NOS1: variants seen among roughly 807,000 people sequenced by gnomAD.
The protein encoded by NOS1 is nitric oxide synthase 1.
In NOS1, 51 loss-of-function variants were observed where a neutral mutation model predicts 164.5. The observed-to-expected ratio is 0.31, with a 90% CI of 0.25 to 0.39. NOS1 has a LOEUF of 0.39. Among genes scored for constraint, NOS1 ranks in the 10% least tolerant of loss-of-function variants. NOS1 has a pLI of 1.00. For synonymous variants in NOS1, 719 were observed against 745.8 expected, an observed-to-expected ratio of 0.96 and a Z score of 0.59; for missense variants, 1,362 against 1,885.6, an observed-to-expected ratio of 0.72 and a Z score of 5.14.
chr12:117,247,814 C>A (rs1870745619), intron 17 of NOS1, among the ~76,000 whole-genome samples: 1 of 151,960 alleles, frequency 6.6e-6, no homozygotes, highest in South Asian at 2.1e-4. Flanking sequence ...GGCATGGTGG[C>A]AGGCGCCTGT....
At chr12:117,231,910 G>A in intron 22 of NOS1, 52 bp downstream of exon 22, 1 of 1,540,734 alleles carries the variant, frequency 6.5e-7, no homozygotes. Flanking sequence ...ACTCTTTAAT[G>A]ACGAGGAGGT....
At chr12:117,352,052 A>G (rs1876644296) in intron 1 of NOS1, among the ~76,000 whole-genome samples, 1 of 152,166 alleles carries the variant, frequency 6.6e-6, no homozygotes, top group Admixed American at 6.6e-5. Context: ...GCACACCTGT[A>G]GTCCCAGCTA....
intron 2 of NOS1, among the ~76,000 whole-genome samples, chr12:117,311,870 A>C (rs569619840): frequency 2.0e-5 from 3 of 152,186 alleles, no homozygotes; most frequent in Non-Finnish European, 4.4e-5. Context: ...CAGGATGGCA[A>C]GGAGAAGGAT....
rs1956497596 is a variant in NOS1 at position 117,209,630 on chromosome 12, T to C, written c.*5679A>G. 1.0e-6 allele frequency: 1 copy of C among 985,454 alleles called. No individual in the cohort carries two copies. Among genetic ancestry groups the C allele is most frequent in the Admixed American group, 6.1e-5 (1 of 16,280 alleles). The allele number at this position is 985,454 out of a possible 1,614,324, so 61.0% of individuals were successfully genotyped here. On this transcript the variant is annotated 3_prime_UTR_variant, in exon 29 of 29. Transcript: ENST00000317775. ...AGAACAAAACAAACTCATATAAACA[T>C]ACTAAGGCATATTGACAGCTGACCA...
intron 24 of NOS1, among the ~76,000 whole-genome samples, chr12:117,226,394 G>A (rs919795592): frequency 9.9e-5 from 15 of 152,128 alleles, no homozygotes; most frequent in Non-Finnish European, 1.5e-5. Flanking sequence ...CATGAAGGTG[G>A]AGACTGTATT....
chr12:117,236,668 G>A (rs1008454184), intron 20 of NOS1, among the ~76,000 whole-genome samples: 1 of 152,300 alleles, frequency 6.6e-6, no homozygotes, highest in East Asian at 1.9e-4. Context: ...CCAGCAGGGG[G>A]CGCTGTGGGG....
In NOS1 at chr12:117,218,100, C is replaced by T; in HGVS notation, c.4235G>A (p.Arg1412His). 5 of 1,614,116 alleles carry T rather than the reference C, an allele frequency of 3.1e-6. No individual in the cohort carries two copies. The highest frequency in any genetic ancestry group is 4.2e-6 in the Non-Finnish European group (5 of 1,180,012). ...VTLRTYEVTN[R>H]LRSESIAFIE... ...GAAGGCAATGGACTCAGATCTAAGG[C>T]GGTTGGTCACTTCGTACGTTCGCAG... The change falls in exon 28 of 29, where the codon CGC becomes CAC. Residue 1412 changes from arginine to histidine, a missense_variant. By Grantham distance (29) the Arg-to-His change is conservative. Around this residue, in one of 4 missense-constraint regions of NOS1, gnomAD observed 737 missense variants for 1,030.3 expected, o/e 0.72. Coordinates refer to ENST00000317775, the MANE Select transcript of NOS1 (RefSeq NM_000620.5).
At chr12:117,218,799 G>C (rs1386267910) in intron 27 of NOS1, among the ~76,000 whole-genome samples, 2 of 152,092 alleles carry the variant, frequency 1.3e-5, no homozygotes, top group Non-Finnish European at 2.9e-5. Flanking sequence ...AGCTATGGGA[G>C]CTCCTGTGGC....
Position 117,209,538 on chromosome 12 carries a change from T to C in NOS1, c.*5771A>G. On this transcript the variant is annotated 3_prime_UTR_variant, in exon 29 of 29. Coordinates refer to ENST00000317775, the MANE Select transcript of NOS1 (RefSeq NM_000620.5). ...TTCCCGCCTGCCAGGGCCATCTCGTTAATAACGGACTGTGTTTTGGGCCAG... is the reference window on the plus strand; with the variant it reads ...TTCCCGCCTGCCAGGGCCATCTCGTCAATAACGGACTGTGTTTTGGGCCAG... 1.0e-6 allele frequency: 1 copy of C among 985,506 alleles called. No homozygotes were observed. The highest frequency in any genetic ancestry group is 1.2e-6 in the Non-Finnish European group (1 of 829,964). 61.0% of individuals were successfully genotyped at this position (985,506 alleles called of 1,614,324 possible). A position where few individuals can be genotyped will look rare whatever the true frequency, so the allele number is the denominator to read the frequency against.
chr12:117,300,273 C>A (rs1044606370), intron 3 of NOS1, among the ~76,000 whole-genome samples: 3 of 152,148 alleles, frequency 2.0e-5, no homozygotes, highest in Non-Finnish European at 2.9e-5. Context: ...AGTGAAGGAG[C>A]GTGCAGAGTG....
chr12:117,323,220 GT>G (rs1293700856), intron 2 of NOS1, among the ~76,000 whole-genome samples: 2 of 152,220 alleles, frequency 1.3e-5, no homozygotes, highest in Non-Finnish European at 2.9e-5. Flanking sequence ...AGTCCCTCCT[GT>G]TGCTTGAATG....
Position 117,331,198 on chromosome 12 carries a change from G to T in NOS1, c.-129C>A. Reference sequence around the variant, plus strand: ...AGCCGGGGTGACAGGTGCTGACAAGGCTTCAGCCCTCTCTGTCTTTGACGT... The same window carrying T: ...AGCCGGGGTGACAGGTGCTGACAAGTCTTCAGCCCTCTCTGTCTTTGACGT... On this transcript the variant is annotated 5_prime_UTR_variant, in exon 2 of 29. Coordinates refer to ENST00000317775, the MANE Select transcript of NOS1 (RefSeq NM_000620.5). The T allele has an allele frequency of 8.4e-7, 1 of 1,192,054 alleles. No homozygotes were observed. The highest frequency in any genetic ancestry group is 1.2e-6 in the Non-Finnish European group (1 of 854,044). The allele number at this position is 1,192,054 out of a possible 1,614,324, so 73.8% of individuals were successfully genotyped here.
chr12:117,299,863 A>G (rs909119540), intron 3 of NOS1, among the ~76,000 whole-genome samples: 1 of 152,026 alleles, frequency 6.6e-6, no homozygotes, highest in Non-Finnish European at 1.5e-5. Flanking sequence ...GTGATATCAT[A>G]GTATAGCCAG....
intron 17 of NOS1, among the ~76,000 whole-genome samples, chr12:117,252,948 T>C (rs1447083564): frequency 6.6e-6 from 1 of 152,214 alleles, no homozygotes; most frequent in African/African-American, 2.4e-5. Flanking sequence ...GGGTTTGACA[T>C]CCCTGTTTTC....
chr12:117,359,534 C>A (rs11613900), intron 1 of NOS1, among the ~76,000 whole-genome samples: 16,910 of 152,126 alleles, frequency 0.11, 1,029 homozygotes, highest in Non-Finnish European at 0.13. Context: ...TTTCTGCTGT[C>A]TCCCAATGTC....
rs1365501350 is a variant in NOS1, at chr12:117,208,940, C to G, written c.*6369G>C. On this transcript the variant is annotated 3_prime_UTR_variant, in exon 29 of 29. Coordinates refer to ENST00000317775, the MANE Select transcript of NOS1 (RefSeq NM_000620.5). ...GTTTTGCCATGTTAGCCAGGTTGGT[C>G]TCTAACTCCCAGCCTCAAGTGATCT... The G allele has an allele frequency of 1.3e-6, 1 of 799,814 alleles. No homozygotes were observed. The highest frequency in any genetic ancestry group is 1.3e-4 in the East Asian group (1 of 7,992). 49.5% of individuals were successfully genotyped at this position (799,814 alleles called of 1,614,324 possible). A position where few individuals can be genotyped will look rare whatever the true frequency, so the allele number is the denominator to read the frequency against.
intron 1 of NOS1, among the ~76,000 whole-genome samples, chr12:117,357,725 CTT>C (rs1876920302): frequency 6.6e-6 from 1 of 152,288 alleles, no homozygotes; most frequent in Admixed American, 6.5e-5. Flanking sequence ...GGTCTGGCAT[CTT>C]TGCTTTTAAC....
intron 21 of NOS1, among the ~76,000 whole-genome samples, chr12:117,233,002 G>C (rs902828789): frequency 1.4e-4 from 21 of 150,020 alleles, no homozygotes; most frequent in African/African-American, 5.2e-4. Flanking sequence ...TGAGTAGCTG[G>C]GACTACAGAC....
intron 2 of NOS1, among the ~76,000 whole-genome samples, chr12:117,328,829 G>A (rs1278049245): frequency 6.6e-6 from 1 of 152,234 alleles, no homozygotes; most frequent in Non-Finnish European, 1.5e-5. Flanking sequence ...TGCATCATTA[G>A]GCAATTCAGT....
Sources: allele counts gnomAD v4.1 joint callset (sites outside exome capture counted in the v4.1 genomes callset), GRCh38; gene constraint gnomAD v4.1.1; regional missense constraint gnomAD v4.1.1; transcripts MANE v1.5; gene names NCBI Gene and HGNC (gene_info 2026-07-23, HGNC 2026-07-21).